Variants in RRP8 observed in about 807,000 individuals in gnomAD.
RRP8 encodes the protein ribosomal RNA processing 8, also known as ribosomal RNA-processing protein 8.
Under a neutral mutation model 45.0 loss-of-function variants are expected in RRP8, and 48 were observed. The ratio of observed to expected loss-of-function variants is 1.07; its 90% confidence interval spans 0.85 to 1.36. The LOEUF is 1.36. RRP8 is among the 40% of genes most tolerant of loss of function. RRP8 has a pLI of 0.00. For synonymous variants in RRP8, 274 were observed against 212.4 expected, an observed-to-expected ratio of 1.29 and a Z score of -2.52; for missense variants, 658 against 573.7, an observed-to-expected ratio of 1.15 and a Z score of -1.50.
Position 6,601,204 on chromosome 11 carries a change from C to G in RRP8, c.862G>C (p.Val288Leu). The change falls in exon 3 of 7, where the codon GTG becomes CTG. Residue 288 changes from valine to leucine, a missense_variant. By Grantham distance (32) the Val-to-Leu change is conservative. Coordinates refer to ENST00000254605, the MANE Select transcript of RRP8 (RefSeq NM_015324.4). ...ACTGGCTGCAGTGGCCACTTCTTCA[C>G]TTGGCTCTGGAAGCCGCGGTGGTAG... ...LLYHRGFQSQ[V>L]KKWPLQPVDR... is the part of the protein sequence containing the mutation. 1.2e-6 allele frequency: 2 copies of G among 1,613,690 alleles called. No homozygotes were observed. The highest frequency in any genetic ancestry group is 1.7e-6 in the Non-Finnish European group (2 of 1,179,772).
In RRP8 at chr11:6,601,418, G is replaced by T. The variant is rs1854357566; in HGVS notation, c.648C>A (p.Pro216=). 6.2e-7 allele frequency: 1 copy of T among 1,614,148 alleles called. No homozygotes were observed. The highest frequency in any genetic ancestry group is 8.5e-7 in the Non-Finnish European group (1 of 1,180,024). The change falls in exon 3 of 7, where the codon CCC becomes CCA. Residue 216 remains proline (P), a synonymous_variant. Transcript: ENST00000254605. ...CAGGAGACACCTCTGTCTTCTCTGT[G>T]GGGGCCTCAGCTGGGGCCTGGTCTG... The part of the protein sequence containing the change: ...QVPDQAPAEA[P]TEKTEVSPVP...
Position 6,601,129 on chromosome 11 carries a change from A to G in RRP8, c.917+20T>C. The G allele has an allele frequency of 2.5e-6, 4 of 1,613,822 alleles. No homozygotes were observed. The highest frequency in any genetic ancestry group is 3.4e-6 in the Non-Finnish European group (4 of 1,179,778). ...ACTGACCCACCACATGGCTTCTCAC[A>G]GTCCCTGACCCCCATTCACCGCTGG... On this transcript the variant is annotated intron_variant, in intron 3 of 6. Coordinates refer to ENST00000254605, the MANE Select transcript of RRP8 (RefSeq NM_015324.4).
Position 6,602,240 on chromosome 11 carries a change from T to C in RRP8, c.100-25A>G, listed in dbSNP as rs776670752. 9 of 1,528,254 alleles carry C rather than the reference T, an allele frequency of 5.9e-6. No homozygotes were observed. The South Asian group carries it at 1.0e-4, about 18-fold the overall frequency. 94.7% of individuals were successfully genotyped at this position (1,528,254 alleles called of 1,614,324 possible). On this transcript the variant is annotated intron_variant, in intron 1 of 6. Coordinates refer to ENST00000254605, the MANE Select transcript of RRP8 (RefSeq NM_015324.4). ...CCTGGAGGAAAACAGGGGATGACAG[T>C]GGGCCTAAAGAGAATGGATGAGGCC...
intron 1 of RRP8, 91 bp from the exon 2 acceptor site, chr11:6,602,306 G>T (rs1191575684): frequency 7.9e-6 from 11 of 1,390,928 alleles, no homozygotes; most frequent in Non-Finnish European, 9.5e-6. Context: ...GATTCAGACT[G>T]GCAGAAGCAT....
Position 6,600,271 on chromosome 11 carries a change from G to C in RRP8, c.1252-6C>G. 2 of 1,570,552 alleles carry C rather than the reference G, an allele frequency of 1.3e-6. No homozygotes were observed. Among genetic ancestry groups the C allele is most frequent in the Non-Finnish European group, 1.7e-6 (2 of 1,158,658 alleles). On this transcript the variant is annotated splice_region_variant and splice_polypyrimidine_tract_variant and intron_variant, in intron 6 of 6. Transcript: ENST00000254605. ...AAATGGCTGTTGGTCAGGTCCTAGG[G>C]GCAGAAAAGACCCAGTGAGAACCAA... is the stretch of plus-strand genomic sequence containing the variant.
rs998573385 is a variant in RRP8 at position 6,596,769 on chromosome 11, T to G, written c.*3377A>C. ...AGCGGTGTCTCTGCCAAGATCATGT[T>G]GTTTCTTTTAGAACTGTGTTCCCTT... is the stretch of plus-strand genomic sequence containing the variant. On this transcript the variant is annotated 3_prime_UTR_variant, in exon 7 of 7. Transcript: ENST00000254605. 1 of 152,220 alleles carries G rather than the reference T, an allele frequency of 6.6e-6. No individual in the cohort carries two copies. The highest frequency in any genetic ancestry group is 2.4e-5 in the African/African-American group (1 of 41,460). 9.4% of individuals were successfully genotyped at this position (152,220 alleles called of 1,614,324 possible). A position where few individuals can be genotyped will look rare whatever the true frequency, so the allele number is the denominator to read the frequency against.
chr11:6,602,133 A>C lies in RRP8; in HGVS notation c.182T>G (p.Ile61Arg). 3.1e-6 allele frequency: 5 copies of C among 1,609,790 alleles called. No homozygotes were observed. Among genetic ancestry groups the C allele is most frequent in the Non-Finnish European group, 4.2e-6 (5 of 1,177,090 alleles). ...SLSQHPPSLC[I>R]SDSEEEEEER... ...CTCCTCCTCCTCCTCAGAGTCACTTATACATAGGCTGGGGGGATGCTGGGA... is the reference window on the plus strand; with the variant it reads ...CTCCTCCTCCTCCTCAGAGTCACTTCTACATAGGCTGGGGGGATGCTGGGA... Residue 61 changes from isoleucine (I) to arginine (R), a missense_variant, in exon 2 of 7, where the codon ATA becomes AGA. Coordinates refer to ENST00000254605, the MANE Select transcript of RRP8 (RefSeq NM_015324.4).
Position 6,601,839 on chromosome 11 carries a change from C to T in RRP8, c.463+13G>A, listed in dbSNP as rs780277339. 4.4e-6 allele frequency: 7 copies of T among 1,596,486 alleles called. No individual in the cohort carries two copies. The highest frequency in any genetic ancestry group is 1.1e-5 in the South Asian group (1 of 89,318). ...ACACACCAACACACACACATATACA[C>T]ATCCAATGGTACCTGTTTGGTCAAC... is the stretch of plus-strand genomic sequence containing the variant. On this transcript the variant is annotated intron_variant, in intron 2 of 6. Transcript: ENST00000254605.
chr11:6,601,189 G>A lies in RRP8; in HGVS notation c.877C>T (p.Leu293=). 1 of 1,613,854 alleles carries A rather than the reference G, an allele frequency of 6.2e-7. No individual in the cohort carries two copies. Among genetic ancestry groups the A allele is most frequent in the Non-Finnish European group, 8.5e-7 (1 of 1,179,876 alleles). The change falls in exon 3 of 7, where the codon CTG becomes TTG. Residue 293 remains leucine (L), a synonymous_variant. Coordinates refer to ENST00000254605, the MANE Select transcript of RRP8 (RefSeq NM_015324.4). ...GFQSQVKKWP[L]QPVDRIARDL... is the part of the protein sequence containing the mutation. ...CTGGCGATGCGGTCCACTGGCTGCA[G>A]TGGCCACTTCTTCACTTGGCTCTGG... is the stretch of plus-strand genomic sequence containing the variant.
intron 1 of RRP8, 81 bp downstream of exon 1, chr11:6,603,323 C>G (rs1169315110): frequency 9.7e-7 from 1 of 1,032,124 alleles, no homozygotes; most frequent in Non-Finnish European, 1.4e-6. Context: ...TGTCCCTCCC[C>G]GCAATACACA....
chr11:6,603,095 T>C (rs543023562), intron 1 of RRP8, among the ~76,000 whole-genome samples: 2 of 152,336 alleles, frequency 1.3e-5, no homozygotes, highest in East Asian at 3.9e-4. Flanking sequence ...TATGCCCCTT[T>C]CATTTACTAT....
chr11:6,602,307 G>T, intron 1 of RRP8, 92 bp from the exon 2 acceptor site: 1 of 1,389,182 alleles, frequency 7.2e-7, no homozygotes, highest in Non-Finnish European at 9.6e-7. Context: ...ATTCAGACTG[G>T]CAGAAGCATC....
rs1189344817 is a variant in RRP8 at position 6,600,751 on chromosome 11, CCA to C, written c.1070_1071del (p.Val357GlyfsTer23). On this transcript the variant is annotated frameshift_variant, in exon 5 of 7. Transcript: ENST00000254605. LOFTEE classifies it high-confidence loss of function. The part of the protein sequence containing the change: ...MAQVPLEDES[V>X]DVAVFCLSLM... ...AGTGAAAGGCAAAACACAGCCACAT[CCA>C]CAGACTCATCCTCCAGAGGAACCTG... 2.5e-6 allele frequency: 4 copies of C among 1,614,026 alleles called. No homozygotes were observed. Among genetic ancestry groups the C allele is most frequent in the Non-Finnish European group, 3.4e-6 (4 of 1,180,006 alleles).
At position 6,595,142 on chromosome 11, in the gene RRP8, A is replaced by G. The variant is rs1361217564; in HGVS notation, c.*5004T>C. ...GGCCGGAGTACAGTGGCACAATCATAGCTCACTACAGCCTGAAATTCCTGG... is the reference window on the plus strand; with the variant it reads ...GGCCGGAGTACAGTGGCACAATCATGGCTCACTACAGCCTGAAATTCCTGG... On this transcript the variant is annotated 3_prime_UTR_variant, in exon 7 of 7. Transcript: ENST00000254605. 2.0e-5 allele frequency: 3 copies of G among 152,022 alleles called. No homozygotes were observed. Among genetic ancestry groups the G allele is most frequent in the Non-Finnish European group, 4.4e-5 (3 of 68,020 alleles). The allele number at this position is 152,022 out of a possible 1,614,324, so 9.4% of individuals were successfully genotyped here.
In RRP8 at chr11:6,601,306, G is replaced by A; in HGVS notation, c.760C>T (p.Leu254Phe). The A allele has an allele frequency of 6.2e-7, 1 of 1,613,636 alleles. No individual in the cohort carries two copies. Among genetic ancestry groups the A allele is most frequent in the Non-Finnish European group, 8.5e-7 (1 of 1,179,792 alleles). Residue 254 changes from leucine (L) to phenylalanine (F), a missense_variant, in exon 3 of 7, where the codon CTC becomes TTC. Physicochemically the swap from Leu to Phe is conservative, Grantham distance 22. Transcript: ENST00000254605. ...GGCCCTGAGTACAACTGTTCATTGA[G>A]GTAGCGAAATCGGGCCCCATCCAGC... The part of the protein sequence containing the change: ...QRLDGARFRY[L>F]NEQLYSGPSS...
rs578195555 is a variant in RRP8 at position 6,599,293 on chromosome 11, C to T, written c.*853G>A. On this transcript the variant is annotated 3_prime_UTR_variant, in exon 7 of 7. Coordinates refer to ENST00000254605, the MANE Select transcript of RRP8 (RefSeq NM_015324.4). ...AGTTTACTGAGCACCTCCTATGTTC[C>T]CAGCCCTGGCTACAGATTTCTCCAG... 6.6e-6 allele frequency: 1 copy of T among 152,360 alleles called. No individual in the cohort carries two copies. Among genetic ancestry groups the T allele is most frequent in the Admixed American group, 6.5e-5 (1 of 15,306 alleles). The allele number at this position is 152,360 out of a possible 1,614,324, so 9.4% of individuals were successfully genotyped here.
In RRP8 at chr11:6,601,276, T is replaced by C. The variant is rs1018398046; in HGVS notation, c.790A>G (p.Ser264Gly). 6 of 1,612,710 alleles carry C rather than the reference T, an allele frequency of 3.7e-6. No homozygotes were observed. Among genetic ancestry groups the C allele is most frequent in the Non-Finnish European group, 5.1e-6 (6 of 1,179,340 alleles). Residue 264 changes from serine to glycine, a missense_variant, in exon 3 of 7, where the codon AGT (serine) becomes GGT (glycine). Physicochemically the swap from Ser to Gly is moderately conservative, Grantham distance 56 (BLOSUM62 0). Transcript: ENST00000254605. ...LNEQLYSGPS[S>G]AAQRLFQEDP... ...TCCTGGAAGAGACGCTGTGCAGCAC[T>C]GCTGGGCCCTGAGTACAACTGTTCA...
rs750911790 is a variant in RRP8 at position 6,600,909 on chromosome 11, A to G, written c.1047+17T>C. ...AGGTTGGCCCTAGAGCACAAGCCAGATAACATAGGGGTTTACCTGGGCCAT... is the reference window on the plus strand; with the variant it reads ...AGGTTGGCCCTAGAGCACAAGCCAGGTAACATAGGGGTTTACCTGGGCCAT... On this transcript the variant is annotated intron_variant, in intron 4 of 6. Transcript: ENST00000254605. The G allele has an allele frequency of 9.3e-6, 15 of 1,613,976 alleles. No individual in the cohort carries two copies. In the African/African-American group the frequency reaches 1.7e-4, roughly 19 times the overall value.
intron 2 of RRP8, 80 bp from the exon 3 acceptor site, chr11:6,601,682 CCT>C: frequency 6.6e-7 from 1 of 1,505,492 alleles, no homozygotes; most frequent in Non-Finnish European, 8.9e-7. Context: ...CCCAGCCATA[CCT>C]CTGTCTTTGA....
Sources: allele counts gnomAD v4.1 joint callset (sites outside exome capture counted in the v4.1 genomes callset), GRCh38; gene constraint gnomAD v4.1.1; transcripts MANE v1.5; gene names NCBI Gene and HGNC (gene_info 2026-07-23, HGNC 2026-07-21).